GULP1: variants seen among roughly 807,000 people sequenced by gnomAD.
The protein encoded by GULP1 is GULP PTB domain containing engulfment adaptor 1, also known as PTB domain-containing engulfment adapter protein 1.
A neutral mutation model predicts 40.9 loss-of-function variants in GULP1; 19 were observed. That is an observed-to-expected ratio of 0.46 (90% CI 0.32 to 0.68). The LOEUF is 0.68. Among genes scored for constraint, GULP1 ranks in the 30% least tolerant of loss-of-function variants. The probability of loss-of-function intolerance (pLI) is 0.03; values close to 1 mark genes in which losing one functional copy is unlikely to be tolerated. For synonymous variants in GULP1, 119 were observed against 117.6 expected, an observed-to-expected ratio of 1.01 and a Z score of -0.08; for missense variants, 312 against 362.2, an observed-to-expected ratio of 0.86 and a Z score of 1.12.
At chr2:188,335,815 A>G (rs2042181341) in intron 1 of GULP1, among the ~76,000 whole-genome samples, 2 of 152,224 alleles carry the variant, frequency 1.3e-5, no homozygotes, top group African/African-American at 4.8e-5. Context: ...CAAGAAACTT[A>G]GAGACTTCAA....
At chr2:188,300,803 G>A (rs1024513641) in intron 1 of GULP1, among the ~76,000 whole-genome samples, 1 of 152,056 alleles carries the variant, frequency 6.6e-6, no homozygotes, top group Non-Finnish European at 1.5e-5. Flanking sequence ...AGTTTAGTAG[G>A]TCTGGACCAC....
At chr2:188,394,700 T>TA (rs113512552) in intron 2 of GULP1, among the ~76,000 whole-genome samples, 45 of 152,210 alleles carry the variant, frequency 3.0e-4, no homozygotes, top group African/African-American at 1.0e-3. Flanking sequence ...TTTGACTTTT[T>TA]AAAAAAAATT....
intron 1 of GULP1, among the ~76,000 whole-genome samples, chr2:188,310,031 A>G (rs1312601487): frequency 6.6e-6 from 1 of 152,136 alleles, no homozygotes; most frequent in Non-Finnish European, 1.5e-5. Flanking sequence ...AACCTTCTAT[A>G]TTTCAGTTAC....
At chr2:188,519,768 G>A (rs1559336416) in intron 4 of GULP1, among the ~76,000 whole-genome samples, 1 of 152,076 alleles carries the variant, frequency 6.6e-6, no homozygotes, top group African/African-American at 2.4e-5. Context: ...AATCAGACTT[G>A]CAGGCAATAG....
At chr2:188,416,950 A>G (rs919017084) in intron 2 of GULP1, among the ~76,000 whole-genome samples, 1 of 152,184 alleles carries the variant, frequency 6.6e-6, no homozygotes, top group African/African-American at 2.4e-5. Context: ...AAAGTATTGT[A>G]TGTTCGGTTT....
chr2:188,450,258 A>G (rs1048500123), intron 2 of GULP1, among the ~76,000 whole-genome samples: 2 of 152,172 alleles, frequency 1.3e-5, no homozygotes, highest in Non-Finnish European at 2.9e-5. Context: ...GGGACTTTCA[A>G]GTTTACATTT....
chr2:188,368,552 G>A (rs1001961812), intron 1 of GULP1, among the ~76,000 whole-genome samples: 2 of 152,062 alleles, frequency 1.3e-5, no homozygotes, highest in Admixed American at 6.6e-5. Context: ...CTGCACTCCA[G>A]CCTGGGTAAC....
intron 6 of GULP1, among the ~76,000 whole-genome samples, chr2:188,535,826 A>G (rs1688802000): frequency 6.6e-6 from 1 of 152,086 alleles, no homozygotes; most frequent in Admixed American, 6.6e-5. Context: ...GTGTATAAGC[A>G]TTCCCTTTTT....
intron 1 of GULP1, among the ~76,000 whole-genome samples, chr2:188,359,775 GAAAA>G (rs1251826095): frequency 1.3e-5 from 2 of 152,136 alleles, no homozygotes; most frequent in Non-Finnish European, 2.9e-5. Context: ...GTTTTGGAAG[GAAAA>G]GACTTTGCTT....
At chr2:188,405,402 C>T (rs1325649020) in intron 2 of GULP1, among the ~76,000 whole-genome samples, 2 of 152,138 alleles carry the variant, frequency 1.3e-5, no homozygotes, top group African/African-American at 4.8e-5. Flanking sequence ...TCCACACCTG[C>T]TCCAGCACAC....
chr2:188,525,920 G>A (rs1193141912), intron 5 of GULP1, among the ~76,000 whole-genome samples: 7 of 151,966 alleles, frequency 4.6e-5, no homozygotes, highest in Non-Finnish European at 1.0e-4. Context: ...CTCATTTCCC[G>A]CAGGATTATT....
At chr2:188,533,901 A>G (rs1688217397) in intron 6 of GULP1, among the ~76,000 whole-genome samples, 1 of 152,216 alleles carries the variant, frequency 6.6e-6, no homozygotes, top group Non-Finnish European at 1.5e-5. Context: ...ATCACTAATC[A>G]AAGAAATTAA....
intron 1 of GULP1, among the ~76,000 whole-genome samples, chr2:188,311,614 A>G (rs1574313668): frequency 3.9e-5 from 6 of 152,102 alleles, no homozygotes; most frequent in Admixed American, 3.3e-4. Context: ...GAGTAGATGT[A>G]TCCAATTTTA....
At chr2:188,490,204 G>A (rs1301262276) in intron 4 of GULP1, among the ~76,000 whole-genome samples, 2 of 152,034 alleles carry the variant, frequency 1.3e-5, no homozygotes, top group South Asian at 2.1e-4. Flanking sequence ...TTATTTTCTT[G>A]ATAAGGTCAT....
In GULP1 at chr2:188,541,326, T is replaced by C; in HGVS notation, c.399+8T>C. 6.2e-7 allele frequency: 1 copy of C among 1,611,974 alleles called. No individual in the cohort carries two copies. The highest frequency in any genetic ancestry group is 8.5e-7 in the Non-Finnish European group (1 of 1,178,110). ...TTTGACAGCGAAAAGTGTGTAAGTA[T>C]CCCAGATGTTGTAGGGTGGTTTGTT... On this transcript the variant is annotated splice_region_variant and intron_variant, in intron 7 of 11. Coordinates refer to ENST00000409830, the MANE Select transcript of GULP1 (RefSeq NM_016315.4).
At chr2:188,576,671 A>G (rs1700233625) in intron 9 of GULP1, among the ~76,000 whole-genome samples, 1 of 152,124 alleles carries the variant, frequency 6.6e-6, no homozygotes, top group African/African-American at 2.4e-5. Context: ...CTTCAATTGT[A>G]CCTATATTAC....
chr2:188,521,208 T>G (rs2065739771), intron 4 of GULP1, among the ~76,000 whole-genome samples: 1 of 152,202 alleles, frequency 6.6e-6, no homozygotes, highest in African/African-American at 2.4e-5. Context: ...TATAGAATTT[T>G]TTCTAGAATA....
chr2:188,527,280 G>T (rs1686413273), intron 5 of GULP1, among the ~76,000 whole-genome samples: 1 of 152,098 alleles, frequency 6.6e-6, no homozygotes, highest in Non-Finnish European at 1.5e-5. Context: ...ATGTGGAAGG[G>T]GCTTCAGAAG....
At chr2:188,544,966 A>G (rs1336144003) in intron 7 of GULP1, among the ~76,000 whole-genome samples, 1 of 151,998 alleles carries the variant, frequency 6.6e-6, no homozygotes, top group Non-Finnish European at 1.5e-5. Context: ...CTAAAGACAA[A>G]AGAAAAATCT....
Sources: gnomAD v4.1 joint callset for allele counts (sites outside exome capture counted in the v4.1 genomes callset) on GRCh38, gnomAD v4.1.1 for gene constraint, MANE v1.5 for transcripts, NCBI Gene and HGNC (gene_info 2026-07-23, HGNC 2026-07-21) for gene names.